The following ADAM12 variants were observed in gnomAD, a reference collection of about 807,000 sequenced individuals.
ADAM12 encodes disintegrin and metalloproteinase domain-containing protein 12.
A neutral mutation model predicts 106.4 loss-of-function variants in ADAM12; 70 were observed. That is an observed-to-expected ratio of 0.66 (90% CI 0.54 to 0.80). The LOEUF is 0.80. ADAM12 is among the 30% of genes least tolerant of loss of function. ADAM12 has a pLI of 0.00. For synonymous variants in ADAM12, 420 were observed against 433.5 expected (o/e 0.97, Z 0.39); for missense variants, 1,010 against 1,171.9 (o/e 0.86, Z 2.02).
intron 4 of ADAM12, among the ~76,000 whole-genome samples, chr10:126,153,478 A>G (rs754640513): frequency 1.2e-4 from 18 of 152,230 alleles, no homozygotes; most frequent in Non-Finnish European, 2.4e-4. Context: ...ACTCTGATTA[A>G]ACACGGCTTG....
chr10:126,232,817 A>C (rs958236488), intron 3 of ADAM12, among the ~76,000 whole-genome samples: 3 of 152,222 alleles, frequency 2.0e-5, no homozygotes, highest in African/African-American at 7.2e-5. Flanking sequence ...GAACTAGACA[A>C]ATAGTGGTAG....
chr10:126,028,822 C>T lies in ADAM12; in HGVS notation c.2529+7324G>A, dbSNP rs558051695. 2.7e-5 allele frequency among the ~76,000 whole-genome samples: 4 copies of T among 145,608 alleles called. No individual in the cohort carries two copies. In the South Asian group the frequency reaches 6.8e-4, roughly 25 times the overall value. On this transcript the variant is annotated intron_variant, in intron 21 of 22. Coordinates refer to ENST00000448723, the MANE Select transcript of ADAM12 (RefSeq NM_001288973.2). ...TAAAGAGTGTCTGCAGCAAAAGAAA[C>T]ACAGAATGAACAACCTACAGAATGG...
At chr10:126,362,287 C>T (rs1028417220) in intron 1 of ADAM12, among the ~76,000 whole-genome samples, 7 of 152,108 alleles carry the variant, frequency 4.6e-5, no homozygotes, top group South Asian at 4.1e-4. Context: ...CAAAAGATAA[C>T]GAATGTTAGC....
At chr10:126,191,377 T>C (rs918781182) in intron 3 of ADAM12, among the ~76,000 whole-genome samples, 2 of 151,848 alleles carry the variant, frequency 1.3e-5, no homozygotes, top group Non-Finnish European at 1.5e-5. Context: ...GAGTGGAGGA[T>C]AGATGGGGGT....
chr10:126,388,000 G>A, intron 1 of ADAM12, 58 bp downstream of exon 1: 2 of 1,190,058 alleles, frequency 1.7e-6, no homozygotes, highest in Non-Finnish European at 2.1e-6. Flanking sequence ...GCGCCCAGGC[G>A]CAGCGTGCGG....
At chr10:126,208,620 T>G (rs1170140117) in intron 3 of ADAM12, among the ~76,000 whole-genome samples, 1 of 152,214 alleles carries the variant, frequency 6.6e-6, no homozygotes, top group Non-Finnish European at 1.5e-5. Context: ...TCAGGAAATC[T>G]ATTTCATGTT....
chr10:126,388,389 G>C lies in ADAM12; in HGVS notation c.-244C>G. 5.1e-6 allele frequency: 2 copies of C among 390,034 alleles called. No homozygotes were observed. Among genetic ancestry groups the C allele is most frequent in the Non-Finnish European group, 8.3e-6 (2 of 241,302 alleles). The allele number at this position is 390,034 out of a possible 1,614,324, so 24.2% of individuals were successfully genotyped here. A position where few individuals can be genotyped will look rare whatever the true frequency, so the allele number is the denominator to read the frequency against. ...GCGCGCGCCGTTCTGGCACAAGCCA[G>C]CCTTGACCGTTGCAATAAATGAGCA... On this transcript the variant is annotated 5_prime_UTR_variant, in exon 1 of 23. Coordinates refer to ENST00000448723, the MANE Select transcript of ADAM12 (RefSeq NM_001288973.2). The surrounding 1 kb of genome is among the most constrained non-coding windows in gnomAD (Gnocchi z 4.4).
intron 2 of ADAM12, among the ~76,000 whole-genome samples, chr10:126,295,956 C>T (rs1026092793): frequency 2.6e-5 from 4 of 151,842 alleles, no homozygotes; most frequent in Non-Finnish European, 4.4e-5. Context: ...TAAACACACA[C>T]ACCCCATGGG....
Position 126,039,353 on chromosome 10 carries a change from T to C in ADAM12, c.2181A>G (p.Lys727=), listed in dbSNP as rs1490585925. The stretch of plus-strand genomic sequence containing the variant: ...ACAGCAGTCGTATCAAGGTCTTCCT[T>C]TTGAGATAAACCACAAATCCGGCAG... The part of the protein sequence containing the change: ...LLAAGFVVYL[K]RKTLIRLLFT... The change falls in exon 19 of 23, where the codon AAA becomes AAG. Residue 727 remains lysine, a synonymous_variant. Transcript: ENST00000448723. 3 of 1,614,000 alleles carry C rather than the reference T, an allele frequency of 1.9e-6. No homozygotes were observed. The African/African-American group carries it at 4.0e-5, about 22-fold the overall frequency.
chr10:126,256,192 C>T lies in ADAM12; in HGVS notation c.260+22723G>A, dbSNP rs17154579. Among the ~76,000 whole-genome samples the T allele has an allele frequency of 1.0e-2, 1,520 of 152,224 alleles. 41 individuals carry two copies. The East Asian group carries it at 0.12, about 12-fold the overall frequency. ...AGGTGATTCTAATGTCCAAGCAGAA[C>T]GAAAGCCATTGGTCTAAGATCTACC... On this transcript the variant is annotated intron_variant, in intron 3 of 22. Transcript: ENST00000448723.
intron 14 of ADAM12, among the ~76,000 whole-genome samples, chr10:126,059,999 T>C (rs1432560953): frequency 6.6e-6 from 1 of 152,230 alleles, no homozygotes; most frequent in Non-Finnish European, 1.5e-5. Flanking sequence ...GAACTGTGAA[T>C]AACATTTGTA....
intron 14 of ADAM12, among the ~76,000 whole-genome samples, chr10:126,055,458 T>G (rs1954609332): frequency 6.6e-6 from 1 of 152,258 alleles, no homozygotes; most frequent in South Asian, 2.1e-4. Flanking sequence ...AATTAAAGTA[T>G]GGTGCTGGAT....
At chr10:126,370,647 G>A (rs1202085796) in intron 1 of ADAM12, among the ~76,000 whole-genome samples, 1 of 152,140 alleles carries the variant, frequency 6.6e-6, no homozygotes, top group African/African-American at 2.4e-5. Context: ...CTATCTCAGT[G>A]TCTTCCTAGG....
chr10:126,279,075 G>A (rs1959423399), intron 2 of ADAM12, 87 bp from the exon 3 acceptor site: 1 of 988,570 alleles, frequency 1.0e-6, no homozygotes, highest in Admixed American at 2.0e-5. Flanking sequence ...GTAGTCAAAT[G>A]AGGGAATAAA....
chr10:126,174,453 C>T (rs1176766439), intron 3 of ADAM12, among the ~76,000 whole-genome samples: 1 of 152,142 alleles, frequency 6.6e-6, no homozygotes, highest in Admixed American at 6.5e-5. Flanking sequence ...TTTCCTCCTC[C>T]CAGGCCGAGT....
At chr10:126,158,654 GGGGGATGCA>G (rs1956871946) in intron 3 of ADAM12, among the ~76,000 whole-genome samples, 2 of 139,186 alleles carry the variant, frequency 1.4e-5, no homozygotes, top group Admixed American at 7.1e-5. Context: ...AGCATGGGTT[GGGGGATGCA>G]CAGAGCACGG....
intron 2 of ADAM12, among the ~76,000 whole-genome samples, chr10:126,286,243 C>T (rs1025357064): frequency 6.6e-6 from 1 of 152,040 alleles, no homozygotes; most frequent in Non-Finnish European, 1.5e-5. Flanking sequence ...TGCCCTGATT[C>T]TGAGGGTGAA....
At chr10:126,363,466 G>A (rs1382060028) in intron 1 of ADAM12, among the ~76,000 whole-genome samples, 1 of 152,108 alleles carries the variant, frequency 6.6e-6, no homozygotes, top group Non-Finnish European at 1.5e-5. Flanking sequence ...CCCTCTATCT[G>A]AGCCCCAAGG....
At chr10:126,222,952 AG>A (rs1958123071) in intron 3 of ADAM12, among the ~76,000 whole-genome samples, 1 of 152,210 alleles carries the variant, frequency 6.6e-6, no homozygotes, top group African/African-American at 2.4e-5. Context: ...TGTTTCACAC[AG>A]GGCCAAGGGA....
Sources: gnomAD v4.1 joint callset for allele counts (sites outside exome capture counted in the v4.1 genomes callset) on GRCh38, gnomAD v4.1.1 for gene constraint, Gnocchi (gnomAD v3.1) non-coding constraint, MANE v1.5 for transcripts, NCBI Gene and HGNC (gene_info 2026-07-23, HGNC 2026-07-21) for gene names.